ARHGAP30: variants seen among roughly 807,000 people sequenced by gnomAD.
ARHGAP30 encodes Rho GTPase activating protein 30.
A neutral mutation model predicts 72.0 loss-of-function variants in ARHGAP30; 23 were observed. The observed-to-expected ratio is 0.32, with a 90% CI of 0.23 to 0.45. ARHGAP30 has a LOEUF of 0.45. ARHGAP30 is among the 20% of genes least tolerant of loss of function. The pLI is 1.00. For missense variants in ARHGAP30, 1,319 were observed against 1,383.4 expected (o/e 0.95, Z 0.74); for synonymous variants, 576 against 528.2 (o/e 1.09, Z -1.24).
chr1:161,063,491 T>G (rs907961529), intron 1 of ARHGAP30, among the ~76,000 whole-genome samples: 1 of 152,262 alleles, frequency 6.6e-6, no homozygotes, highest in African/African-American at 2.4e-5. Flanking sequence ...CTTTAGTCTC[T>G]TAATCCTGTC....
rs189945202 is a variant in ARHGAP30 at position 161,048,216 on chromosome 1, G to A, written c.2805C>T (p.Arg935=). ...GCTTGGGGGGCACCACAGGCACAGA[G>A]CGGACCTGTTGGACCTGAACCAGAG... The part of the protein sequence containing the change: ...ASTLVQVQQV[R]SVPVVPPKPQ... Residue 935 remains arginine, a synonymous_variant, in exon 12 of 12, where the codon CGC becomes CGT. Transcript: ENST00000368013. 8.3e-5 allele frequency: 134 copies of A among 1,614,214 alleles called. No homozygotes were observed. Among genetic ancestry groups the A allele is most frequent in the Non-Finnish European group, 1.1e-4 (126 of 1,180,042 alleles).
intron 3 of ARHGAP30, among the ~76,000 whole-genome samples, chr1:161,055,642 T>C (rs1651762017): frequency 6.6e-6 from 1 of 150,574 alleles, no homozygotes; most frequent in African/African-American, 2.5e-5. Context: ...ATACAAAAAA[T>C]TAGCCAGGCA....
intron 2 of ARHGAP30, 69 bp from the exon 3 acceptor site, chr1:161,056,601 G>C (rs2102050517): frequency 6.5e-7 from 1 of 1,541,972 alleles, no homozygotes; most frequent in African/African-American, 1.4e-5. Context: ...GGTCCCTATA[G>C]AGATGGGTCC....
chr1:161,069,280 C>T lies in ARHGAP30; in HGVS notation c.97+248G>A, dbSNP rs1652992936. Among the ~76,000 whole-genome samples the T allele has an allele frequency of 6.6e-6, 1 of 152,116 alleles. No individual in the cohort carries two copies. The highest frequency in any genetic ancestry group is 6.5e-5 in the Admixed American group (1 of 15,282). The stretch of plus-strand genomic sequence containing the variant: ...TCTCCATCCTCCCCCTCACTGCTAC[C>T]TGGGTACTCACATTCTCATCCCCTC... On this transcript the variant is annotated intron_variant, in intron 1 of 11. Coordinates refer to ENST00000368013, the MANE Select transcript of ARHGAP30 (RefSeq NM_001025598.2). The surrounding 1 kb of genome is among the most constrained non-coding windows in gnomAD (Gnocchi z 4.9).
Position 161,052,011 on chromosome 1 carries a change from AC to A in ARHGAP30, c.1018+274del, listed in dbSNP as rs1177111413. ...CACCACCACCACCACCACCACCACCACCACCACCACCACCACCACCACCACC... is the reference window on the plus strand; with the variant it reads ...CACCACCACCACCACCACCACCACCACACCACCACCACCACCACCACCACC... On this transcript the variant is annotated intron_variant, in intron 9 of 11. Transcript: ENST00000368013. Among the ~76,000 whole-genome samples, 203 of 52,148 alleles carry A rather than the reference AC, an allele frequency of 3.9e-3. 8 individuals are homozygous for A. The highest frequency in any genetic ancestry group is 8.4e-3 in the African/African-American group (108 of 12,898). 34.2% of individuals were successfully genotyped at this position (52,148 alleles called of 152,430 possible).
intron 1 of ARHGAP30, among the ~76,000 whole-genome samples, chr1:161,063,957 A>T (rs1175687548): frequency 6.6e-6 from 1 of 152,214 alleles, no homozygotes; most frequent in Non-Finnish European, 1.5e-5. Flanking sequence ...CTGTCTCCTG[A>T]TAAGATGTTA....
In ARHGAP30 at chr1:161,049,348, A is replaced by G; in HGVS notation, c.1687-14T>C. On this transcript the variant is annotated splice_polypyrimidine_tract_variant and intron_variant, in intron 11 of 11. Coordinates refer to ENST00000368013, the MANE Select transcript of ARHGAP30 (RefSeq NM_001025598.2). Reference sequence around the variant, plus strand: ...GAACTCCTCCACCTGTAGGCACAGCATTGTGACTCAGGACCAGGAGGCCCT... The same window carrying G: ...GAACTCCTCCACCTGTAGGCACAGCGTTGTGACTCAGGACCAGGAGGCCCT... The G allele has an allele frequency of 6.2e-7, 1 of 1,608,326 alleles. No homozygotes were observed. The highest frequency in any genetic ancestry group is 8.5e-7 in the Non-Finnish European group (1 of 1,176,534).
In ARHGAP30 at chr1:161,052,770, G is replaced by A. The variant is rs200926712; in HGVS notation, c.692C>T (p.Ser231Leu). Residue 231 changes from serine (S) to leucine (L), a missense_variant, in exon 7 of 12, where the codon TCG becomes TTG. This residue lies in a region of ARHGAP30 where 222 missense variants were observed against 338.2 expected (regional missense o/e 0.66). Coordinates refer to ENST00000368013, the MANE Select transcript of ARHGAP30 (RefSeq NM_001025598.2). ...GCCTGATGCCCGGGTCCCTGGAAGC[G>A]ATCGCCACCCACTCTCCACCTCACC... ...SGGEVESGWR[S>L]LPGTRASGSP... 275 of 1,611,528 alleles carry A rather than the reference G, an allele frequency of 1.7e-4. 1 individual carries two copies. Among genetic ancestry groups the A allele is most frequent in the Non-Finnish European group, 2.2e-4 (260 of 1,179,916 alleles).
intron 9 of ARHGAP30, 99 bp from the exon 10 acceptor site, chr1:161,051,814 C>T: frequency 3.5e-6 from 5 of 1,441,194 alleles, no homozygotes; most frequent in Non-Finnish European, 4.5e-6. Context: ...CTTTCTCAGG[C>T]TTGAAAGCAA....
chr1:161,052,336 C>A lies in ARHGAP30; in HGVS notation c.968G>T (p.Arg323Leu). Residue 323 changes from arginine (R) to leucine (L), a missense_variant, in exon 9 of 12, where the codon CGG becomes CTG. Arg to Leu is a moderately radical substitution (Grantham distance 102). Coordinates refer to ENST00000368013, the MANE Select transcript of ARHGAP30 (RefSeq NM_001025598.2). ...CAGTGAGTCCATGCTTTTGGCTGGC[C>A]GCAGTGTCCCCTTGTTGGATTTATC... ...REDKSNKGTLRPAKSMDSLSA... is the reference protein window; with the variant it reads ...REDKSNKGTLLPAKSMDSLSA... 6.2e-7 allele frequency: 1 copy of A among 1,613,982 alleles called. No individual in the cohort carries two copies. The highest frequency in any genetic ancestry group is 8.5e-7 in the Non-Finnish European group (1 of 1,180,026).
chr1:161,064,826 AGAAAGAGAAAGAAAGAAAGAAAG>A (rs1196309886), intron 1 of ARHGAP30, among the ~76,000 whole-genome samples: 7 of 48,292 alleles, frequency 1.4e-4, no homozygotes, highest in African/African-American at 1.3e-3. Flanking sequence ...AAAGAAAGAA[AGAAAGAGAAAGAAAGAAAGAAAG>A]GAAAGGAAGG....
chr1:161,059,316 A>G (rs1002884038), intron 2 of ARHGAP30, among the ~76,000 whole-genome samples: 3 of 146,812 alleles, frequency 2.0e-5, no homozygotes, highest in Admixed American at 6.9e-5. Flanking sequence ...AGCGTGAGCC[A>G]CCGCGCCTGG....
chr1:161,064,857 AG>A (rs1652644732), intron 1 of ARHGAP30, among the ~76,000 whole-genome samples: 1 of 96,934 alleles, frequency 1.0e-5, no homozygotes, highest in African/African-American at 3.0e-5. Flanking sequence ...AAGGAAAGGA[AG>A]GAGAGGAAGG....
At chr1:161,057,650 GA>G (rs1651976615) in intron 2 of ARHGAP30, among the ~76,000 whole-genome samples, 1 of 152,036 alleles carries the variant, frequency 6.6e-6, no homozygotes, top group Non-Finnish European at 1.5e-5. Flanking sequence ...AAAAAGAACA[GA>G]AAAAGAACAA....
intron 5 of ARHGAP30, 137 bp downstream of exon 5, chr1:161,054,229 C>A (rs1340323633): frequency 5.2e-6 from 4 of 761,942 alleles, no homozygotes; most frequent in Non-Finnish European, 8.7e-6. Context: ...TGATCTTGAA[C>A]CTTCTTTTCT....
At chr1:161,064,831 GAGAA>G (rs10603448) in intron 1 of ARHGAP30, among the ~76,000 whole-genome samples, 14,347 of 73,048 alleles carry the variant, frequency 0.2, 1,331 homozygotes, top group Non-Finnish European at 0.21. Flanking sequence ...AAGAAAGAAA[GAGAA>G]AGAAAGAAAG....
intron 1 of ARHGAP30, among the ~76,000 whole-genome samples, chr1:161,061,791 T>C (rs1432870514): frequency 6.6e-6 from 1 of 152,008 alleles, no homozygotes; most frequent in East Asian, 1.9e-4. Flanking sequence ...TCATACATGA[T>C]AGATCCTCAA....
In ARHGAP30 at chr1:161,048,718, T is replaced by A. The variant is rs1651083913; in HGVS notation, c.2303A>T (p.Asp768Val). The A allele has an allele frequency of 6.2e-7, 1 of 1,614,092 alleles. No individual in the cohort carries two copies. ...ATCTTCCTGGGCCCCTTGCTCTAGG[T>A]CCCTTCCAGCTTCTACCTGGGCTTC... ...REEAQVEAGR[D>V]LEQGAQEDQV... Residue 768 changes from aspartate to valine, a missense_variant, in exon 12 of 12, where the codon GAC becomes GTC. Asp to Val is a radical substitution (Grantham distance 152). This residue lies in a region of ARHGAP30 where 1,097 missense variants were observed against 1,045.2 expected (regional missense o/e 1.05). Coordinates refer to ENST00000368013, the MANE Select transcript of ARHGAP30 (RefSeq NM_001025598.2).
At chr1:161,067,505 G>A (rs1652853963) in intron 1 of ARHGAP30, among the ~76,000 whole-genome samples, 4 of 151,958 alleles carry the variant, frequency 2.6e-5, no homozygotes, top group Admixed American at 2.0e-4. Flanking sequence ...GGGAGGCAGA[G>A]GTTGCAGTGA....
Sources: allele counts gnomAD v4.1 joint callset (sites outside exome capture counted in the v4.1 genomes callset), GRCh38; gene constraint gnomAD v4.1.1; regional missense constraint gnomAD v4.1.1; non-coding constraint Gnocchi (gnomAD v3.1); transcripts MANE v1.5; gene names NCBI Gene and HGNC (gene_info 2026-07-23, HGNC 2026-07-21).